The following AHRR variants were observed in gnomAD, a reference collection of about 807,000 sequenced individuals.
AHRR encodes ahR repressor.
A neutral mutation model predicts 44.0 loss-of-function variants in AHRR; 28 were observed. The observed-to-expected ratio is 0.64, with a 90% CI of 0.47 to 0.87. The LOEUF is 0.87. Ranked by LOEUF, AHRR falls within the 40% of genes least tolerant of loss-of-function variation. The pLI is 0.00. For missense variants in AHRR, 990 were observed against 953.9 expected, an observed-to-expected ratio of 1.04 and a Z score of -0.50; for synonymous variants, 434 against 407.0, an observed-to-expected ratio of 1.07 and a Z score of -0.80.
intron 3 of AHRR, chr5:368,101 A>G (rs140471373): frequency 7.5e-5 from 45 of 599,588 alleles, no homozygotes; most frequent in African/African-American, 6.9e-4. Context: ...TTCATTATTT[A>G]TAAACAAATG....
Position 332,929 on chromosome 5 carries a change from C to CTTTTTT in AHRR, c.-10-10950_-10-10945dup, listed in dbSNP as rs57937804. ...TCATTATATAATAAATGACCTTTGT[C>CTTTTTT]TTTTTTTTTTTTTTTTTTTACTGTT... is the stretch of plus-strand genomic sequence containing the variant. On this transcript the variant is annotated intron_variant, in intron 1 of 10. Coordinates refer to ENST00000684583, the MANE Select transcript of AHRR (RefSeq NM_001377236.1). 7.7e-4 allele frequency among the ~76,000 whole-genome samples: 102 copies of CTTTTTT among 131,984 alleles called. 3 individuals are homozygous for CTTTTTT. Among genetic ancestry groups the CTTTTTT allele is most frequent in the East Asian group, 2.4e-3 (10 of 4,170 alleles). 86.6% of individuals were successfully genotyped at this position (131,984 alleles called of 152,430 possible).
intron 3 of AHRR, among the ~76,000 whole-genome samples, chr5:375,196 A>G (rs976678797): frequency 6.6e-6 from 1 of 152,212 alleles, no homozygotes; most frequent in Non-Finnish European, 1.5e-5. Context: ...TGAGTGAGAC[A>G]TTATGCTTTT....
At chr5:363,082 C>G (rs758330417) in intron 3 of AHRR, among the ~76,000 whole-genome samples, 1 of 152,244 alleles carries the variant, frequency 6.6e-6, no homozygotes, top group African/African-American at 2.4e-5. Flanking sequence ...ACATGTCTTC[C>G]GCATGTGAAC....
chr5:337,473 G>A lies in AHRR; in HGVS notation c.-10-6420G>A. ...GGCTCACTGCAGCCTTGACCTCCCAGGCTCAAGCGATACTCCTGCCTTAGT... is the reference window on the plus strand; with the variant it reads ...GGCTCACTGCAGCCTTGACCTCCCAAGCTCAAGCGATACTCCTGCCTTAGT... On this transcript the variant is annotated intron_variant, in intron 1 of 10. Coordinates refer to ENST00000684583, the MANE Select transcript of AHRR (RefSeq NM_001377236.1). The surrounding 1 kb of genome is among the most constrained non-coding windows in gnomAD (Gnocchi z 4.1). Among the ~76,000 whole-genome samples, 1 of 152,122 alleles carries A rather than the reference G, an allele frequency of 6.6e-6. No individual in the cohort carries two copies. Among genetic ancestry groups the A allele is most frequent in the East Asian group, 1.9e-4 (1 of 5,190 alleles).
intron 3 of AHRR, among the ~76,000 whole-genome samples, chr5:360,818 G>A (rs554938135): frequency 5.3e-5 from 8 of 152,308 alleles, no homozygotes; most frequent in Non-Finnish European, 7.3e-5. Flanking sequence ...AGATTTCTAA[G>A]CAAAGTGTTG....
At chr5:324,456 A>C (rs1166852183) in intron 1 of AHRR, among the ~76,000 whole-genome samples, 1 of 140,530 alleles carries the variant, frequency 7.1e-6, no homozygotes, top group Non-Finnish European at 1.5e-5. Context: ...ATTTATATAA[A>C]AAAATTAAAA....
intron 5 of AHRR, chr5:418,995 T>G (rs1287300390): frequency 6.6e-6 from 1 of 152,328 alleles, no homozygotes; most frequent in East Asian, 1.9e-4. Context: ...GAGTGAGGGC[T>G]CCAGGTGAAG....
chr5:431,256 C>T (rs1736716694), intron 8 of AHRR, among the ~76,000 whole-genome samples: 1 of 152,220 alleles, frequency 6.6e-6, no homozygotes, highest in Non-Finnish European at 1.5e-5. Flanking sequence ...AGCGCTCCTC[C>T]TGCGGCCTGG....
At chr5:353,641 G>T in intron 2 of AHRR, 89 bp from the exon 3 acceptor site, 2 of 1,261,860 alleles carry the variant, frequency 1.6e-6, no homozygotes, top group Non-Finnish European at 2.2e-6. Context: ...GATGCTCCTA[G>T]TAAGGTCACT....
chr5:367,373 G>C (rs1379726069), intron 3 of AHRR, among the ~76,000 whole-genome samples: 1 of 152,240 alleles, frequency 6.6e-6, no homozygotes, highest in Non-Finnish European at 1.5e-5. Flanking sequence ...ATTTTGGGCA[G>C]CTGGGCCTTT....
intron 3 of AHRR, chr5:367,709 C>T (rs1743410204): frequency 3.2e-6 from 2 of 628,030 alleles, no homozygotes; most frequent in Admixed American, 4.8e-5. Context: ...GCCTCTGCCC[C>T]TCTGCCCTGA....
At position 345,182 on chromosome 5, in the gene AHRR, A is replaced by ATGTGTG. The variant is rs370649210; in HGVS notation, c.62+1248_62+1253dup. Among the ~76,000 whole-genome samples the ATGTGTG allele has an allele frequency of 2.3e-3, 2 of 870 alleles. 1 individual carries two copies. Among genetic ancestry groups the ATGTGTG allele is most frequent in the Non-Finnish European group, 3.6e-3 (2 of 552 alleles). The allele number at this position is 870 out of a possible 152,430, so 0.6% of individuals were successfully genotyped here. A position where few individuals can be genotyped will look rare whatever the true frequency, so the allele number is the denominator to read the frequency against. ...ATGATGTCCCTGGCTGTGTGTGGGG[A>ATGTGTG]TGTGTGTGTGTGTGTGTGTGTGTGT... On this transcript the variant is annotated intron_variant, in intron 2 of 10. Transcript: ENST00000684583.
intron 2 of AHRR, among the ~76,000 whole-genome samples, chr5:352,794 G>A (rs969883285): frequency 6.6e-5 from 10 of 151,618 alleles, no homozygotes; most frequent in Non-Finnish European, 1.3e-4. Flanking sequence ...TGGGTCAGCC[G>A]TAGGGGATGG....
intron 4 of AHRR, 24 bp from the exon 5 acceptor site, chr5:413,320 T>TG (rs759791726): frequency 1.2e-5 from 19 of 1,551,868 alleles, no homozygotes; most frequent in South Asian, 1.1e-4. Flanking sequence ...TCGATTTTTT[T>TG]TTTTGTTTTG....
At chr5:374,545 T>C (rs1423456362) in intron 3 of AHRR, among the ~76,000 whole-genome samples, 1 of 152,194 alleles carries the variant, frequency 6.6e-6, no homozygotes, top group African/African-American at 2.4e-5. Flanking sequence ...AGTCCTGCTT[T>C]GTGGCAGAAG....
intron 3 of AHRR, among the ~76,000 whole-genome samples, chr5:359,869 G>A (rs35706736): frequency 0.098 from 14,959 of 152,224 alleles, 1,050 homozygotes; most frequent in Non-Finnish European, 0.13. Context: ...ACACTTGCTA[G>A]CAGGTCAAAA....
chr5:353,225 C>T (rs527821099), intron 2 of AHRR, among the ~76,000 whole-genome samples: 33 of 152,302 alleles, frequency 2.2e-4, no homozygotes, highest in African/African-American at 7.7e-4. Context: ...AAACCAAGCT[C>T]GGAGCGGCCT....
chr5:421,290 T>C (rs1736102921), intron 5 of AHRR: 1 of 697,612 alleles, frequency 1.4e-6, no homozygotes, highest in East Asian at 2.7e-5. Flanking sequence ...CGGGCGAGGC[T>C]GTTGCGCTGC....
At position 405,354 on chromosome 5, in the gene AHRR, G is replaced by T. The variant is rs997148907; in HGVS notation, c.352-7990G>T. On this transcript the variant is annotated intron_variant, in intron 4 of 10. Coordinates refer to ENST00000684583, the MANE Select transcript of AHRR (RefSeq NM_001377236.1). This position sits in a 1 kb window ranked among gnomAD's most constrained non-coding sequence, Gnocchi z 4.5. ...CCGTTTCCCTTTCTCTAGAAACGTGGTGGAGTTCAGGGTGATAACGATGGG... is the reference window on the plus strand; with the variant it reads ...CCGTTTCCCTTTCTCTAGAAACGTGTTGGAGTTCAGGGTGATAACGATGGG... 2.6e-5 allele frequency among the ~76,000 whole-genome samples: 4 copies of T among 152,184 alleles called. 1 individual carries two copies. Among genetic ancestry groups the T allele is most frequent in the African/African-American group, 7.2e-5 (3 of 41,450 alleles).
Sources: gnomAD v4.1 joint callset for allele counts (sites outside exome capture counted in the v4.1 genomes callset) on GRCh38, gnomAD v4.1.1 for gene constraint, Gnocchi (gnomAD v3.1) non-coding constraint, MANE v1.5 for transcripts, NCBI Gene and HGNC (gene_info 2026-07-23, HGNC 2026-07-21) for gene names.